Variants in CTSC observed in about 807,000 individuals in gnomAD.
The protein encoded by CTSC is cathepsin C.
In CTSC, 37 loss-of-function variants were observed where a neutral mutation model predicts 40.9. The observed-to-expected ratio is 0.91, with a 90% confidence interval of 0.70 to 1.19. CTSC has a LOEUF of 1.19. CTSC is among the 50% of genes most tolerant of loss of function. CTSC has a pLI of 0.00. For missense variants in CTSC, 594 were observed against 567.3 expected, an observed-to-expected ratio of 1.05 and a Z score of -0.48; for synonymous variants, 232 against 207.4, an observed-to-expected ratio of 1.12 and a Z score of -1.02.
chr11:88,333,594 C>T (rs1366144494), intron 2 of CTSC, among the ~76,000 whole-genome samples: 1 of 152,184 alleles, frequency 6.6e-6, no homozygotes, highest in African/African-American at 2.4e-5. Flanking sequence ...CTGCAAAGGC[C>T]TAGGCTCATC....
At chr11:88,304,707 A>T (rs1181002878) in intron 4 of CTSC, among the ~76,000 whole-genome samples, 1 of 152,222 alleles carries the variant, frequency 6.6e-6, no homozygotes, top group East Asian at 1.9e-4. Flanking sequence ...GCTGCAGTAA[A>T]GAAGCCAGCT....
chr11:88,323,661 C>T (rs1164532907), intron 2 of CTSC: 1 of 151,964 alleles, frequency 6.6e-6, no homozygotes, highest in Admixed American at 6.6e-5. Flanking sequence ...GAATGAACTC[C>T]CATTCCCAAT....
chr11:88,323,682 A>C (rs529610861), intron 2 of CTSC: 5 of 152,286 alleles, frequency 3.3e-5, no homozygotes, highest in Admixed American at 2.6e-4. Context: ...AGCTACAGAG[A>C]GAATAAAATA....
intron 2 of CTSC, among the ~76,000 whole-genome samples, chr11:88,318,800 G>A (rs1937932345): frequency 6.6e-6 from 1 of 152,136 alleles, no homozygotes; most frequent in African/African-American, 2.4e-5. Context: ...CAGCTACTTG[G>A]GAGGATGAGG....
chr11:88,314,032 C>A (rs1937824452), intron 2 of CTSC, among the ~76,000 whole-genome samples: 1 of 152,146 alleles, frequency 6.6e-6, no homozygotes, highest in Non-Finnish European at 1.5e-5. Flanking sequence ...TTTACAAAAA[C>A]AGACAGTAGG....
intron 5 of CTSC, chr11:88,297,104 G>T (rs565878327): frequency 7.9e-5 from 12 of 152,324 alleles, no homozygotes; most frequent in African/African-American, 2.6e-4. Flanking sequence ...GCAGGGACAA[G>T]TGCCTTACTG....
chr11:88,296,394 T>G (rs1219693989), intron 5 of CTSC, 130 bp from the exon 6 acceptor site: 1 of 1,135,938 alleles, frequency 8.8e-7, no homozygotes, highest in South Asian at 1.3e-5. Context: ...ATCAGCACAA[T>G]AAGAAGACTC....
At position 88,335,026 on chromosome 11, in the gene CTSC, C is replaced by T; in HGVS notation, c.229G>A (p.Asp77Asn). ...YLQKLDTAYD[D>N]LGNSGHFTII... Reference sequence around the variant, plus strand: ...GTGAAATGGCCAGAATTGCCAAGGTCATCATATGCTGTATCCAGCTTCTGA... The same window carrying T: ...GTGAAATGGCCAGAATTGCCAAGGTTATCATATGCTGTATCCAGCTTCTGA... Residue 77 changes from aspartate (D) to asparagine (N), a missense_variant, in exon 2 of 7, where the codon GAC becomes AAC. Asp to Asn is a conservative substitution (Grantham distance 23, BLOSUM62 1). Coordinates refer to ENST00000227266, the MANE Select transcript of CTSC (RefSeq NM_001814.6). 8 of 1,606,232 alleles carry T rather than the reference C, an allele frequency of 5.0e-6. No individual in the cohort carries two copies. Among genetic ancestry groups the T allele is most frequent in the South Asian group, 1.1e-5 (1 of 90,910 alleles).
intron 2 of CTSC, chr11:88,325,699 GA>G: frequency 1.0e-6 from 1 of 984,984 alleles, no homozygotes; most frequent in Non-Finnish European, 1.2e-6. Context: ...AATGAAAAAA[GA>G]AAAGAAAAAA....
intron 2 of CTSC, among the ~76,000 whole-genome samples, chr11:88,318,185 C>T (rs994833803): frequency 2.0e-5 from 3 of 152,212 alleles, no homozygotes; most frequent in African/African-American, 7.2e-5. Context: ...TGTCTGAATA[C>T]TTACTTTACA....
At position 88,304,400 on chromosome 11, in the gene CTSC, C is replaced by T. The variant is rs144404320; in HGVS notation, c.642-3755G>A. On this transcript the variant is annotated intron_variant, in intron 4 of 6. Coordinates refer to ENST00000227266, the MANE Select transcript of CTSC (RefSeq NM_001814.6). ...TGCTGATACAGTTTAAAGCAATTAT[C>T]TGGCACAAAACAGTCATTACAATAT... Among the ~76,000 whole-genome samples, 653 of 152,288 alleles carry T rather than the reference C, an allele frequency of 4.3e-3. 7 individuals are homozygous for T. Among genetic ancestry groups the T allele is most frequent in the African/African-American group, 0.015 (634 of 41,546 alleles).
chr11:88,315,805 G>A (rs1381061584), intron 2 of CTSC, among the ~76,000 whole-genome samples: 2 of 152,130 alleles, frequency 1.3e-5, no homozygotes, highest in Admixed American at 1.3e-4. Flanking sequence ...AATCACTGAC[G>A]GGAGATACCC....
chr11:88,295,536 C>G (rs897883049), intron 6 of CTSC, among the ~76,000 whole-genome samples: 3 of 151,934 alleles, frequency 2.0e-5, no homozygotes, highest in African/African-American at 7.3e-5. Context: ...CACACCACCA[C>G]GCCCAGCTAA....
intron 2 of CTSC, chr11:88,326,276 C>T: frequency 1.3e-6 from 2 of 1,590,932 alleles, no homozygotes; most frequent in Non-Finnish European, 1.7e-6. Flanking sequence ...GACTCCTTTG[C>T]ATTTTGCATG....
chr11:88,305,901 A>G (rs1044057216), intron 4 of CTSC, among the ~76,000 whole-genome samples: 1 of 152,216 alleles, frequency 6.6e-6, no homozygotes, highest in African/African-American at 2.4e-5. Flanking sequence ...TGAGGCTCCC[A>G]TCTTTCAGGC....
chr11:88,333,500 TG>T (rs1320989943), intron 2 of CTSC, among the ~76,000 whole-genome samples: 3 of 152,210 alleles, frequency 2.0e-5, no homozygotes, highest in Admixed American at 2.0e-4. Context: ...TCTCTTCCTT[TG>T]CACATGCATT....
intron 2 of CTSC, among the ~76,000 whole-genome samples, chr11:88,315,036 T>G (rs527721836): frequency 7.2e-5 from 11 of 152,366 alleles, no homozygotes; most frequent in Admixed American, 5.9e-4. Flanking sequence ...CATACTAAAC[T>G]ATGTAAAACT....
intron 5 of CTSC, among the ~76,000 whole-genome samples, chr11:88,300,181 C>G (rs1424416978): frequency 1.3e-5 from 2 of 152,138 alleles, no homozygotes; most frequent in East Asian, 3.8e-4. Flanking sequence ...AAGATTCCAA[C>G]AAACCACTTG....
chr11:88,296,259 A>AG lies in CTSC; in HGVS notation c.762dup (p.Cys255LeufsTer38). On this transcript the variant is annotated frameshift_variant, in exon 6 of 7. Transcript: ENST00000227266. LOFTEE classifies it high-confidence loss of function. ...GAAGCAAATGAGTAGCAGCTGCCAC[A>AG]GGATGCTGGCGATGAAAAAAAGACA... 2.5e-6 allele frequency: 4 copies of AG among 1,613,832 alleles called. No homozygotes were observed. Among genetic ancestry groups the AG allele is most frequent in the Non-Finnish European group, 3.4e-6 (4 of 1,179,806 alleles).
Sources: gnomAD v4.1 joint callset for allele counts (sites outside exome capture counted in the v4.1 genomes callset) on GRCh38, gnomAD v4.1.1 for gene constraint, MANE v1.5 for transcripts, NCBI Gene and HGNC (gene_info 2026-07-23, HGNC 2026-07-21) for gene names.